The following JAZF1 variants were observed in gnomAD, a reference collection of about 807,000 sequenced individuals.
The protein encoded by JAZF1 is JAZF zinc finger 1.
JAZF1 carries 8 observed loss-of-function variants against 26.4 expected under a neutral mutation model. The ratio of observed to expected loss-of-function variants is 0.30; its 90% CI spans 0.18 to 0.55. The LOEUF (loss-of-function observed/expected upper bound fraction) is 0.55, where lower values mean the gene tolerates loss of function less well. Among genes scored for constraint, JAZF1 ranks in the 20% least tolerant of loss-of-function variants. JAZF1 has a pLI of 0.94. For missense variants in JAZF1, 199 were observed against 322.0 expected (o/e 0.62, Z 2.92); for synonymous variants, 126 against 122.3 (o/e 1.03, Z -0.20).
At chr7:27,897,757 C>T (rs1202960224) in intron 2 of JAZF1, among the ~76,000 whole-genome samples, 1 of 152,190 alleles carries the variant, frequency 6.6e-6, no homozygotes, top group African/African-American at 2.4e-5. Flanking sequence ...GGCTCTTCTA[C>T]CAGGATAGCT....
intron 1 of JAZF1, among the ~76,000 whole-genome samples, chr7:28,079,051 G>A (rs1479376336): frequency 7.3e-5 from 11 of 150,740 alleles, no homozygotes; most frequent in Admixed American, 1.3e-4. Context: ...TGCAAGTGGC[G>A]TGATCTCTGC....
intron 1 of JAZF1, among the ~76,000 whole-genome samples, chr7:28,012,109 C>G (rs1011463134): frequency 6.6e-6 from 1 of 152,112 alleles, no homozygotes; most frequent in African/African-American, 2.4e-5. Context: ...GATGCTGAAG[C>G]ATTTTTCATT....
intron 2 of JAZF1, among the ~76,000 whole-genome samples, chr7:27,905,776 T>C (rs963214610): frequency 6.6e-6 from 1 of 152,038 alleles, no homozygotes; most frequent in African/African-American, 2.4e-5. Flanking sequence ...ACATAAAATA[T>C]AGGAAGAGCA....
chr7:27,987,772 G>A (rs930781147), intron 2 of JAZF1, among the ~76,000 whole-genome samples: 1 of 152,262 alleles, frequency 6.6e-6, no homozygotes, highest in Non-Finnish European at 1.5e-5. Flanking sequence ...GGAAAAGAAA[G>A]AGAGATCAGA....
chr7:28,137,128 T>C (rs1782897709), intron 1 of JAZF1, among the ~76,000 whole-genome samples: 1 of 152,032 alleles, frequency 6.6e-6, no homozygotes, highest in Admixed American at 6.6e-5. Context: ...GTTACCATGG[T>C]AGGGTAGGGA....
rs201806678 is a variant in JAZF1, at chr7:28,035,340, A to G, written c.116-43359T>C. On this transcript the variant is annotated intron_variant, in intron 1 of 4. Transcript: ENST00000283928. ...AAAAAAAAAAAAAAAAAAAAAAAAA[A>G]AAAGAAAGAAAGAAACAGGCCCAAT... Among the ~76,000 whole-genome samples the G allele has an allele frequency of 0.023, 3,311 of 145,422 alleles. 308 individuals are homozygous for G. In the East Asian group the frequency reaches 0.31, roughly 14 times the overall value.
At chr7:28,158,001 C>G (rs1010676425) in intron 1 of JAZF1, among the ~76,000 whole-genome samples, 1 of 151,956 alleles carries the variant, frequency 6.6e-6, no homozygotes, top group Non-Finnish European at 1.5e-5. Context: ...AGGGATTGCC[C>G]AATGTCTATT....
intron 1 of JAZF1, among the ~76,000 whole-genome samples, chr7:28,024,675 T>C (rs1783063281): frequency 2.0e-5 from 3 of 152,200 alleles, no homozygotes; most frequent in Non-Finnish European, 2.9e-5. Context: ...GTGTAGAGAA[T>C]GCTTTGGAAG....
chr7:27,951,393 AT>A lies in JAZF1; in HGVS notation c.188+40515del, dbSNP rs545354265. 9.2e-3 allele frequency among the ~76,000 whole-genome samples: 1,402 copies of A among 152,220 alleles called. 26 individuals are homozygous for A. The highest frequency in any genetic ancestry group is 0.032 in the African/African-American group (1,344 of 41,508). ...GTATAGGTCTCTATTTAATAATGCA[AT>A]TTTTTTGCCAGGTTCTAAGGCATTT... is the stretch of plus-strand genomic sequence containing the variant. On this transcript the variant is annotated intron_variant, in intron 2 of 4. Coordinates refer to ENST00000283928, the MANE Select transcript of JAZF1 (RefSeq NM_175061.4).
intron 3 of JAZF1, among the ~76,000 whole-genome samples, chr7:27,891,154 A>C (rs1389306869): frequency 1.3e-5 from 2 of 152,220 alleles, no homozygotes; most frequent in Non-Finnish European, 2.9e-5. Context: ...CAGATAATTT[A>C]ATCACATTTA....
intron 1 of JAZF1, among the ~76,000 whole-genome samples, chr7:28,010,193 G>C (rs1299556810): frequency 1.3e-5 from 2 of 152,142 alleles, no homozygotes; most frequent in Admixed American, 6.5e-5. Flanking sequence ...TCTTGCCTTT[G>C]GTTAGGTTCA....
At chr7:28,112,010 G>A (rs1322080371) in intron 1 of JAZF1, among the ~76,000 whole-genome samples, 1 of 152,204 alleles carries the variant, frequency 6.6e-6, no homozygotes, top group Non-Finnish European at 1.5e-5. Context: ...CAACTCTAGA[G>A]CTGTTTTTTC....
rs17156205 is a variant in JAZF1 at position 28,020,586 on chromosome 7, G to T, written c.116-28605C>A. ...ACGGCAGGCATGGACATGCATATTC[G>T]TACAACAACCATGTCTTCATTTCTC... On this transcript the variant is annotated intron_variant, in intron 1 of 4. Transcript: ENST00000283928. The T allele has an allele frequency of 1.2e-3, 572 of 471,112 alleles. 2 individuals are homozygous for T. Among genetic ancestry groups the T allele is most frequent in the African/African-American group, 0.011 (527 of 50,148 alleles). The allele number at this position is 471,112 out of a possible 1,614,324, so 29.2% of individuals were successfully genotyped here.
Position 27,956,084 on chromosome 7 carries a change from G to A in JAZF1, c.188+35825C>T, listed in dbSNP as rs1269436799. The stretch of plus-strand genomic sequence containing the variant: ...TGTTCTGATTGGGTGGGATGAGGTA[G>A]CAGAGATGAAGTAGTGACAGAGTGT... On this transcript the variant is annotated intron_variant, in intron 2 of 4. Transcript: ENST00000283928. Among the ~76,000 whole-genome samples, 5 of 152,216 alleles carry A rather than the reference G, an allele frequency of 3.3e-5. No homozygotes were observed. The East Asian group carries it at 9.6e-4, about 29-fold the overall frequency.
intron 2 of JAZF1, among the ~76,000 whole-genome samples, chr7:27,932,612 A>G (rs1784702679): frequency 6.6e-6 from 1 of 152,250 alleles, no homozygotes; most frequent in African/African-American, 2.4e-5. Context: ...AACCATTTTA[A>G]TGTATATCCA....
intron 2 of JAZF1, among the ~76,000 whole-genome samples, chr7:27,951,958 C>T (rs765478881): frequency 2.0e-5 from 3 of 152,164 alleles, no homozygotes; most frequent in Non-Finnish European, 4.4e-5. Context: ...TATAGAGAAA[C>T]TACAAAAGCC....
intron 2 of JAZF1, among the ~76,000 whole-genome samples, chr7:27,900,184 C>T (rs556050275): frequency 8.7e-4 from 132 of 152,232 alleles, no homozygotes; most frequent in African/African-American, 3.0e-3. Context: ...ATCTGGCAGC[C>T]GCCGTGTGCT....
rs1048086988 is a variant in JAZF1 at position 28,146,914 on chromosome 7, T to C, written c.115+33549A>G. Among the ~76,000 whole-genome samples the C allele has an allele frequency of 1.3e-4, 19 of 150,556 alleles. No homozygotes were observed. In the South Asian group the frequency reaches 3.4e-3, roughly 27 times the overall value. ...TTCTGTCACCCAGGCTAGAGTGCAATGGCGTGATCTCAGCTCACTGCAACC... is the reference window on the plus strand; with the variant it reads ...TTCTGTCACCCAGGCTAGAGTGCAACGGCGTGATCTCAGCTCACTGCAACC... On this transcript the variant is annotated intron_variant, in intron 1 of 4. Transcript: ENST00000283928.
At chr7:27,834,394 A>G (rs190700166) in intron 4 of JAZF1, among the ~76,000 whole-genome samples, 3 of 152,238 alleles carry the variant, frequency 2.0e-5, no homozygotes, top group Non-Finnish European at 2.9e-5. Flanking sequence ...ACTTTGTTGA[A>G]CCCAGGGGTG....
Sources: allele counts gnomAD v4.1 joint callset (sites outside exome capture counted in the v4.1 genomes callset), GRCh38; gene constraint gnomAD v4.1.1; transcripts MANE v1.5; gene names NCBI Gene and HGNC (gene_info 2026-07-23, HGNC 2026-07-21).